NCAPG2: variants seen among roughly 807,000 people sequenced by gnomAD.
NCAPG2 encodes condensin-2 complex subunit G2.
In NCAPG2, 53 loss-of-function variants were observed where a neutral mutation model predicts 141.1. That is an observed-to-expected ratio of 0.38 (90% CI 0.30 to 0.47). The LOEUF (loss-of-function observed/expected upper bound fraction) is 0.47. Among genes scored for constraint, NCAPG2 ranks in the 20% least tolerant of loss-of-function variants. The pLI is 0.99. For missense variants in NCAPG2, 1,087 were observed against 1,389.0 expected, an observed-to-expected ratio of 0.78 and a Z score of 3.46; for synonymous variants, 499 against 490.7, an observed-to-expected ratio of 1.02 and a Z score of -0.22.
Position 158,671,589 on chromosome 7 carries a change from G to A in NCAPG2, c.1404C>T (p.Leu468=), listed in dbSNP as rs1833685569. The change falls in exon 13 of 28, where the codon CTC becomes CTT. Residue 468 remains leucine, a synonymous_variant. Coordinates refer to ENST00000356309, the MANE Select transcript of NCAPG2 (RefSeq NM_017760.7). ...EQLLPALRYS[L]HDNSEKVRVA... ...CCCTCACTTTCTCCGAATTGTCGTGGAGACTGTATCTGAGAGCTGGAAGGA... is the reference window on the plus strand; with the variant it reads ...CCCTCACTTTCTCCGAATTGTCGTGAAGACTGTATCTGAGAGCTGGAAGGA... 1 of 1,614,164 alleles carries A rather than the reference G, an allele frequency of 6.2e-7. No individual in the cohort carries two copies. Among genetic ancestry groups the A allele is most frequent in the Non-Finnish European group, 8.5e-7 (1 of 1,180,034 alleles).
At chr7:158,701,090 G>T (rs1312247972) in intron 2 of NCAPG2, among the ~76,000 whole-genome samples, 1 of 152,060 alleles carries the variant, frequency 6.6e-6, no homozygotes, top group Non-Finnish European at 1.5e-5. Context: ...CCTTGAATCT[G>T]CCCTCTTCCC....
chr7:158,676,133 C>T (rs1834036916), intron 11 of NCAPG2, among the ~76,000 whole-genome samples: 1 of 152,142 alleles, frequency 6.6e-6, no homozygotes, highest in Non-Finnish European at 1.5e-5. Flanking sequence ...GAGTATTCGA[C>T]ATCAACAGGG....
At chr7:158,688,606 C>T (rs1320460559) in intron 6 of NCAPG2, among the ~76,000 whole-genome samples, 5 of 152,204 alleles carry the variant, frequency 3.3e-5, no homozygotes, top group Admixed American at 2.0e-4. Context: ...CCCAGGGGTT[C>T]TTATCCACCA....
At chr7:158,702,363 T>C (rs1330390287) in intron 1 of NCAPG2, 2 of 156,990 alleles carry the variant, frequency 1.3e-5, no homozygotes, top group Non-Finnish European at 2.8e-5. Context: ...ATCAAAAAAA[T>C]CCCACTGTTA....
At chr7:158,639,110 G>A (rs1054547018) in intron 27 of NCAPG2, among the ~76,000 whole-genome samples, 1 of 151,782 alleles carries the variant, frequency 6.6e-6, no homozygotes, top group Non-Finnish European at 1.5e-5. Context: ...GGTGGTGACT[G>A]AATTTTTTTT....
At chr7:158,667,297 TCCTCC>T (rs1833058601) in intron 13 of NCAPG2, 1 of 711,236 alleles carries the variant, frequency 1.4e-6, no homozygotes, top group Non-Finnish European at 1.7e-6. Context: ...CCTGTGTCCC[TCCTCC>T]ACCCTTAGCC....
rs139900175 is a variant in NCAPG2, at chr7:158,673,984, A to G, written c.1326+1493T>C. Among the ~76,000 whole-genome samples the G allele has an allele frequency of 4.7e-3, 719 of 152,372 alleles. 2 individuals carry two copies. The highest frequency in any genetic ancestry group is 0.017 in the African/African-American group (693 of 41,586). On this transcript the variant is annotated intron_variant, in intron 12 of 27. Coordinates refer to ENST00000356309, the MANE Select transcript of NCAPG2 (RefSeq NM_017760.7). ...GAAATGCTTTACTGGAGTAGTGGAC[A>G]TAGAAGACGCTTTATAGTAGACTGG... is the stretch of plus-strand genomic sequence containing the variant.
chr7:158,679,398 C>T (rs1195664596), intron 11 of NCAPG2, among the ~76,000 whole-genome samples: 5 of 152,184 alleles, frequency 3.3e-5, no homozygotes, highest in East Asian at 1.9e-4. Context: ...AAATAAATGC[C>T]GCATCTTAAC....
intron 10 of NCAPG2, 90 bp from the exon 11 acceptor site, chr7:158,680,175 A>G (rs1834359170): frequency 4.5e-6 from 6 of 1,335,416 alleles, no homozygotes; most frequent in Non-Finnish European, 6.2e-6. Context: ...CACTTTAATT[A>G]TCTTGATACA....
At chr7:158,668,216 C>T (rs113685342) in intron 13 of NCAPG2, 63 of 61,268 alleles carry the variant, frequency 1.0e-3, no homozygotes, top group East Asian at 2.8e-3. Flanking sequence ...TCCGCCCCCC[C>T]TTACCCACTA....
At chr7:158,672,109 G>A (rs766178454) in intron 12 of NCAPG2, among the ~76,000 whole-genome samples, 16 of 151,826 alleles carry the variant, frequency 1.1e-4, no homozygotes, top group South Asian at 4.2e-4. Context: ...ACGCACTCTC[G>A]GCTGACTACA....
chr7:158,658,938 G>A (rs1307188746), intron 16 of NCAPG2, among the ~76,000 whole-genome samples: 1 of 150,866 alleles, frequency 6.6e-6, no homozygotes, highest in Non-Finnish European at 1.5e-5. Context: ...AACGCTTTGT[G>A]AGCCTGAGGT....
intron 22 of NCAPG2, among the ~76,000 whole-genome samples, chr7:158,653,912 A>G (rs10282070): frequency 0.74 from 112,541 of 151,966 alleles, 41,918 homozygotes; most frequent in East Asian, 0.97. Context: ...GAAGCGGCTG[A>G]GGGGGAGGCT....
chr7:158,638,398 CCTGT>C (rs987188890), intron 27 of NCAPG2, among the ~76,000 whole-genome samples: 1 of 152,038 alleles, frequency 6.6e-6, no homozygotes, highest in African/African-American at 2.4e-5. Flanking sequence ...TGCTACCACA[CCTGT>C]CTAATATTTG....
At position 158,638,047 on chromosome 7, in the gene NCAPG2, T is replaced by C. The variant is rs535420456; in HGVS notation, c.3380+6242A>G. ...TAATCCCAGCTACTCGGGAGGCTGA[T>C]GCACAAGAATTACTTGAACCTGGGA... On this transcript the variant is annotated intron_variant, in intron 27 of 27. Coordinates refer to ENST00000356309, the MANE Select transcript of NCAPG2 (RefSeq NM_017760.7). Among the ~76,000 whole-genome samples the C allele has an allele frequency of 2.0e-5, 3 of 152,136 alleles. No homozygotes were observed. The South Asian group carries it at 6.2e-4, about 32-fold the overall frequency.
At chr7:158,642,657 A>C in intron 27 of NCAPG2, among the ~76,000 whole-genome samples, 1 of 152,316 alleles carries the variant, frequency 6.6e-6, no homozygotes, top group South Asian at 2.1e-4. Flanking sequence ...GAAAGTACAT[A>C]TTAGAAAAGA....
At chr7:158,665,940 T>C (rs1314176522) in intron 13 of NCAPG2, among the ~76,000 whole-genome samples, 2 of 152,216 alleles carry the variant, frequency 1.3e-5, no homozygotes, top group Non-Finnish European at 2.9e-5. Context: ...AAAAAGTTAC[T>C]GTAGTAAGGA....
At chr7:158,650,395 T>TG (rs1363112140) in intron 24 of NCAPG2, among the ~76,000 whole-genome samples, 1 of 151,728 alleles carries the variant, frequency 6.6e-6, no homozygotes, top group Non-Finnish European at 1.5e-5. Context: ...GAAAAAAAGG[T>TG]GGGGGAGGCT....
chr7:158,645,403 G>A, intron 26 of NCAPG2, 116 bp downstream of exon 26: 3 of 819,230 alleles, frequency 3.7e-6, no homozygotes, highest in South Asian at 1.6e-5. Flanking sequence ...AAAGGCTGGG[G>A]GACACCTGAG....
Sources: gnomAD v4.1 joint callset for allele counts (sites outside exome capture counted in the v4.1 genomes callset) on GRCh38, gnomAD v4.1.1 for gene constraint, MANE v1.5 for transcripts, NCBI Gene and HGNC (gene_info 2026-07-23, HGNC 2026-07-21) for gene names.